ADAMTSL1: variants seen among roughly 807,000 people sequenced by gnomAD.
ADAMTSL1 encodes the protein ADAMTS-like protein 1.
A neutral mutation model predicts 201.8 loss-of-function variants in ADAMTSL1; 126 were observed. The ratio of observed to expected loss-of-function variants is 0.62; its 90% CI spans 0.54 to 0.72. The LOEUF is 0.72. ADAMTSL1 is among the 30% of genes least tolerant of loss of function. The pLI is 0.00. For missense variants in ADAMTSL1, 2,679 were observed against 2,277.8 expected, an observed-to-expected ratio of 1.18 and a Z score of -3.59; for synonymous variants, 1,121 against 903.4, an observed-to-expected ratio of 1.24 and a Z score of -4.32.
rs778823863 is a variant in ADAMTSL1, at chr9:18,082,398, GCCT to G, written c.88-81460_88-81458del. ...GATCTCAGCTCTCACCGCAACCTCC[GCCT>G]CCTGGATTCAAGTGATTCTTCTGCC... On this transcript the variant is annotated intron_variant, in intron 1 of 29. Coordinates refer to the ADAMTSL1 transcript ENST00000680146. Among the ~76,000 whole-genome samples the G allele has an allele frequency of 6.6e-5, 10 of 152,088 alleles. 1 individual carries two copies. The highest frequency in any genetic ancestry group is 3.9e-4 in the East Asian group (2 of 5,168).
chr9:18,135,434 A>C (rs1347813210), intron 1 of ADAMTSL1, among the ~76,000 whole-genome samples: 1 of 152,140 alleles, frequency 6.6e-6, no homozygotes, highest in East Asian at 1.9e-4. Flanking sequence ...GTATTGCTGA[A>C]AGGAAGGAGG....
chr9:18,145,595 A>G (rs1349839299), intron 1 of ADAMTSL1, among the ~76,000 whole-genome samples: 4 of 152,212 alleles, frequency 2.6e-5, no homozygotes, highest in Non-Finnish European at 5.9e-5. Context: ...TATCTTTCAT[A>G]AACATTAGCT....
chr9:18,763,220 T>C (rs1588064157), intron 16 of ADAMTSL1, among the ~76,000 whole-genome samples: 1 of 152,168 alleles, frequency 6.6e-6, no homozygotes, highest in African/African-American at 2.4e-5. Flanking sequence ...TGAGGTGATA[T>C]CTCATTGTAG....
intron 2 of ADAMTSL1, among the ~76,000 whole-genome samples, chr9:18,291,690 C>T (rs544452695): frequency 2.1e-4 from 32 of 150,192 alleles, no homozygotes; most frequent in Admixed American, 1.5e-3. Context: ...CTCTCGGGTG[C>T]GCACATGCTC....
intron 2 of ADAMTSL1, among the ~76,000 whole-genome samples, chr9:18,287,655 A>AAATATAT (rs200724200): frequency 0.44 from 61,992 of 141,010 alleles, 14,611 homozygotes; most frequent in South Asian, 0.67. Flanking sequence ...GTATACATAT[A>AAATATAT]CACATATATG....
chr9:18,700,533 A>T (rs1831862407), intron 13 of ADAMTSL1, among the ~76,000 whole-genome samples: 1 of 152,154 alleles, frequency 6.6e-6, no homozygotes, highest in African/African-American at 2.4e-5. Flanking sequence ...AGTTAACTGC[A>T]CTTTATCCTA....
intron 2 of ADAMTSL1, among the ~76,000 whole-genome samples, chr9:18,266,225 C>G (rs762008134): frequency 6.6e-6 from 1 of 152,146 alleles, no homozygotes; most frequent in Non-Finnish European, 1.5e-5. Flanking sequence ...TATTTCTTTG[C>G]TGGTGTAACT....
chr9:18,699,695 G>A (rs1831808448), intron 13 of ADAMTSL1, among the ~76,000 whole-genome samples: 1 of 151,928 alleles, frequency 6.6e-6, no homozygotes, highest in Non-Finnish European at 1.5e-5. Context: ...TATTAGACAG[G>A]GACACTCAAT....
At position 18,276,913 on chromosome 9, in the gene ADAMTSL1, A is replaced by T. The variant is rs529118429; in HGVS notation, c.207+112932A>T. Among the ~76,000 whole-genome samples, 29 of 151,830 alleles carry T rather than the reference A, an allele frequency of 1.9e-4. No individual in the cohort carries two copies. The Middle Eastern group carries it at 0.014, about 71-fold the overall frequency. On this transcript the variant is annotated intron_variant, in intron 2 of 29. Coordinates refer to the ADAMTSL1 transcript ENST00000680146. ...CATTTCAACATGAGATTTGGAAGGG[A>T]TAAAACATCCAAACCATATCAATGT...
intron 1 of ADAMTSL1, among the ~76,000 whole-genome samples, chr9:18,147,755 A>G (rs922085486): frequency 6.6e-6 from 1 of 152,122 alleles, no homozygotes; most frequent in Non-Finnish European, 1.5e-5. Flanking sequence ...GTTCCATTCC[A>G]TTGATTGAGC....
At chr9:18,270,260 A>T (rs1832303685) in intron 2 of ADAMTSL1, among the ~76,000 whole-genome samples, 1 of 152,118 alleles carries the variant, frequency 6.6e-6, no homozygotes, top group Non-Finnish European at 1.5e-5. Context: ...ACCTTTTATA[A>T]GGACATGAAT....
chr9:18,623,188 C>A (rs1234199128), intron 5 of ADAMTSL1, among the ~76,000 whole-genome samples: 2 of 152,064 alleles, frequency 1.3e-5, no homozygotes, highest in East Asian at 3.9e-4. Context: ...AGCCACTGTG[C>A]CCAGCCTATA....
intron 1 of ADAMTSL1, among the ~76,000 whole-genome samples, chr9:18,100,990 G>T (rs999262114): frequency 6.6e-6 from 1 of 152,126 alleles, no homozygotes; most frequent in African/African-American, 2.4e-5. Context: ...GTCCTCGCCT[G>T]CATGTAGTTG....
chr9:18,710,067 C>T (rs768338176), intron 14 of ADAMTSL1, among the ~76,000 whole-genome samples: 5 of 152,158 alleles, frequency 3.3e-5, no homozygotes, highest in Non-Finnish European at 5.9e-5. Flanking sequence ...GTGCCTGCCT[C>T]CCATGGGCCA....
At chr9:17,992,336 C>T (rs998952585) in intron 1 of ADAMTSL1, among the ~76,000 whole-genome samples, 2 of 152,260 alleles carry the variant, frequency 1.3e-5, no homozygotes, top group South Asian at 2.1e-4. Context: ...GTGGGTACCT[C>T]CTAGTACTTT....
intron 1 of ADAMTSL1, among the ~76,000 whole-genome samples, chr9:18,133,248 T>G (rs937970595): frequency 6.6e-6 from 1 of 152,108 alleles, no homozygotes; most frequent in African/African-American, 2.4e-5. Flanking sequence ...GGGCTCCAGT[T>G]AGGCTAATAA....
At chr9:18,155,038 C>T (rs560766024) in intron 1 of ADAMTSL1, among the ~76,000 whole-genome samples, 1 of 152,072 alleles carries the variant, frequency 6.6e-6, no homozygotes, top group East Asian at 1.9e-4. Flanking sequence ...AATTACACTA[C>T]TTATAATGCC....
At chr9:18,201,070 T>C (rs1829425458) in intron 2 of ADAMTSL1, among the ~76,000 whole-genome samples, 1 of 152,062 alleles carries the variant, frequency 6.6e-6, no homozygotes, top group Non-Finnish European at 1.5e-5. Context: ...ATTGGGTCCC[T>C]TTGAAAATTC....
chr9:17,986,482 C>T (rs1294663714), intron 1 of ADAMTSL1, among the ~76,000 whole-genome samples: 4 of 152,044 alleles, frequency 2.6e-5, no homozygotes, highest in African/African-American at 9.7e-5. Context: ...GAACAATTAT[C>T]AGAAAGAAGA....
Sources: gnomAD v4.1 joint callset for allele counts (sites outside exome capture counted in the v4.1 genomes callset) on GRCh38, gnomAD v4.1.1 for gene constraint, MANE v1.5 for transcripts, NCBI Gene and HGNC (gene_info 2026-07-23, HGNC 2026-07-21) for gene names.